Variants in CCSER1 observed in about 807,000 individuals in gnomAD.
The protein encoded by CCSER1 is coiled-coil serine rich protein 1.
A neutral mutation model predicts 82.0 loss-of-function variants in CCSER1; 41 were observed. The observed-to-expected ratio is 0.50, with a 90% CI of 0.39 to 0.65. The LOEUF (loss-of-function observed/expected upper bound fraction) is 0.65. Ranked by LOEUF, CCSER1 falls within the 30% of genes least tolerant of loss-of-function variation. The probability of loss-of-function intolerance (pLI) is 0.00; values close to 1 mark genes in which losing one functional copy is unlikely to be tolerated. For missense variants in CCSER1, 1,119 were observed against 1,064.2 expected, an observed-to-expected ratio of 1.05 and a Z score of -0.72; for synonymous variants, 414 against 383.9, an observed-to-expected ratio of 1.08 and a Z score of -0.92.
At chr4:90,956,957 T>TG (rs1186350828) in intron 9 of CCSER1, among the ~76,000 whole-genome samples, 4 of 150,220 alleles carry the variant, frequency 2.7e-5, no homozygotes, top group Admixed American at 2.7e-4. Context: ...TTTTTTTTTT[T>TG]TTGTAGAGAC....
intron 10 of CCSER1, 134 bp downstream of exon 10, chr4:91,086,128 C>T (rs1723370738): frequency 1.6e-6 from 1 of 608,854 alleles, no homozygotes; most frequent in Non-Finnish European, 3.0e-6. Context: ...ATGTTGTCTG[C>T]ATATGGCTCT....
intron 8 of CCSER1, among the ~76,000 whole-genome samples, chr4:90,904,636 A>C (rs1346096972): frequency 6.6e-6 from 1 of 152,056 alleles, no homozygotes; most frequent in Non-Finnish European, 1.5e-5. Flanking sequence ...AGTTCCCGGG[A>C]AAGTATGTAT....
chr4:90,626,901 A>T (rs2148906704), intron 5 of CCSER1, among the ~76,000 whole-genome samples: 1 of 152,284 alleles, frequency 6.6e-6, no homozygotes, highest in African/African-American at 2.4e-5. Context: ...AGGGGGCAAA[A>T]TCCTAGGTTA....
At chr4:90,854,792 A>T (rs1764274275) in intron 8 of CCSER1, among the ~76,000 whole-genome samples, 1 of 152,074 alleles carries the variant, frequency 6.6e-6, no homozygotes, top group South Asian at 2.1e-4. Flanking sequence ...CTAGGCTACT[A>T]CATTACTGTA....
At chr4:90,576,645 T>G (rs1780809113) in intron 5 of CCSER1, among the ~76,000 whole-genome samples, 1 of 152,166 alleles carries the variant, frequency 6.6e-6, no homozygotes, top group Non-Finnish European at 1.5e-5. Context: ...TTTACCTCTT[T>G]CGCTTCATAA....
intron 6 of CCSER1, among the ~76,000 whole-genome samples, chr4:90,648,895 T>A (rs942100206): frequency 1.3e-5 from 2 of 152,200 alleles, no homozygotes; most frequent in Admixed American, 1.3e-4. Flanking sequence ...GGACTTTGTG[T>A]GTTGTACTAA....
rs1395678389 is a variant in CCSER1, at chr4:90,357,458, T to C, written c.1510-42578T>C. 2.0e-5 allele frequency among the ~76,000 whole-genome samples: 3 copies of C among 152,102 alleles called. No homozygotes were observed. In the East Asian group the frequency reaches 5.8e-4, roughly 29 times the overall value. ...TTTTCTGCTAATACCTCAGAGGTTA[T>C]GATTCAGAAATGTTTTGTGGAGGAA... On this transcript the variant is annotated intron_variant, in intron 3 of 10. Transcript: ENST00000509176.
chr4:90,148,049 C>T (rs1726141454), intron 1 of CCSER1, among the ~76,000 whole-genome samples: 2 of 152,056 alleles, frequency 1.3e-5, no homozygotes, highest in South Asian at 4.1e-4. Context: ...CTTGTAATCC[C>T]AGCTACTTGG....
At chr4:90,512,390 A>C (rs1312723093) in intron 5 of CCSER1, among the ~76,000 whole-genome samples, 1 of 151,994 alleles carries the variant, frequency 6.6e-6, no homozygotes, top group Non-Finnish European at 1.5e-5. Context: ...TTTTATCAAT[A>C]CTGAGGAAGG....
At chr4:91,549,303 A>G (rs567708053) in intron 10 of CCSER1, among the ~76,000 whole-genome samples, 29 of 152,160 alleles carry the variant, frequency 1.9e-4, no homozygotes, top group African/African-American at 7.0e-4. Flanking sequence ...CATATTAATC[A>G]TAGTTTTATG....
chr4:90,174,065 G>A (rs1732227014), intron 1 of CCSER1, among the ~76,000 whole-genome samples: 1 of 151,914 alleles, frequency 6.6e-6, no homozygotes, highest in South Asian at 2.1e-4. Flanking sequence ...AAACTGATAG[G>A]TTTGTTAAAT....
intron 1 of CCSER1, among the ~76,000 whole-genome samples, chr4:90,188,662 T>G (rs1045151299): frequency 1.3e-5 from 2 of 151,930 alleles, no homozygotes; most frequent in African/African-American, 4.8e-5. Context: ...TAATATCTTA[T>G]CCTGAGAAAT....
intron 10 of CCSER1, among the ~76,000 whole-genome samples, chr4:91,373,899 A>G (rs545813129): frequency 6.6e-6 from 1 of 152,328 alleles, no homozygotes; most frequent in South Asian, 2.1e-4. Flanking sequence ...AAACAGCCTT[A>G]TTGCTGATAT....
At chr4:90,966,926 T>C (rs1273593930) in intron 9 of CCSER1, among the ~76,000 whole-genome samples, 1 of 151,964 alleles carries the variant, frequency 6.6e-6, no homozygotes, top group Non-Finnish European at 1.5e-5. Flanking sequence ...AAATACAAAG[T>C]ACATAAAATA....
chr4:90,814,859 A>T (rs551172230), intron 7 of CCSER1, among the ~76,000 whole-genome samples: 2 of 152,282 alleles, frequency 1.3e-5, no homozygotes, highest in East Asian at 1.9e-4. Flanking sequence ...GTTTCTAGGA[A>T]GCTCCAAACT....
At chr4:90,724,769 A>G in intron 7 of CCSER1, 2 of 284,586 alleles carry the variant, frequency 7.0e-6, no homozygotes, top group Non-Finnish European at 1.4e-5. Context: ...GCACATTTTA[A>G]GATTATCACT....
intron 10 of CCSER1, among the ~76,000 whole-genome samples, chr4:91,163,026 G>A (rs56175793): frequency 0.36 from 54,648 of 151,826 alleles, 11,099 homozygotes; most frequent in Non-Finnish European, 0.46. Flanking sequence ...GTGATGTTAG[G>A]CTGTCAATTT....
At chr4:90,823,492 T>A (rs996781249) in intron 8 of CCSER1, among the ~76,000 whole-genome samples, 1 of 152,090 alleles carries the variant, frequency 6.6e-6, no homozygotes, top group Non-Finnish European at 1.5e-5. Context: ...ATTAATGTAT[T>A]CAAATATAGA....
chr4:90,325,062 C>T (rs59684803), intron 3 of CCSER1, among the ~76,000 whole-genome samples: 46,189 of 151,682 alleles, frequency 0.3, 7,178 homozygotes, highest in East Asian at 0.44. Flanking sequence ...TCTTTAATGC[C>T]TCTCCTTCAC....
Sources: gnomAD v4.1 joint callset for allele counts (sites outside exome capture counted in the v4.1 genomes callset) on GRCh38, gnomAD v4.1.1 for gene constraint, MANE v1.5 for transcripts, NCBI Gene and HGNC (gene_info 2026-07-23, HGNC 2026-07-21) for gene names.